GABRB1: variants seen among roughly 807,000 people sequenced by gnomAD.
The protein encoded by GABRB1 is gamma-aminobutyric acid receptor subunit beta-1.
GABRB1 carries 17 observed loss-of-function variants against 51.6 expected under a neutral mutation model. The observed-to-expected ratio is 0.33, with a 90% CI of 0.23 to 0.49. The LOEUF (loss-of-function observed/expected upper bound fraction) is 0.49, where lower values mean the gene tolerates loss of function less well. Ranked by LOEUF, GABRB1 falls within the 20% of genes least tolerant of loss-of-function variation. The probability of loss-of-function intolerance (pLI) is 0.99; values close to 1 mark genes in which losing one functional copy is unlikely to be tolerated. For synonymous variants in GABRB1, 247 were observed against 218.9 expected (o/e 1.13, Z -1.14); for missense variants, 410 against 600.6 (o/e 0.68, Z 3.32).
chr4:47,142,006 T>G (rs1716957411), intron 3 of GABRB1, among the ~76,000 whole-genome samples: 1 of 151,916 alleles, frequency 6.6e-6, no homozygotes, highest in Non-Finnish European at 1.5e-5. Context: ...AGTTACATGC[T>G]AGGAAGCATC....
chr4:47,175,797 G>T (rs1349059985), intron 4 of GABRB1, among the ~76,000 whole-genome samples: 1 of 152,076 alleles, frequency 6.6e-6, no homozygotes, highest in Non-Finnish European at 1.5e-5. Context: ...CCCTCAGAAA[G>T]CTATATGCTT....
chr4:47,272,526 C>G (rs1722912408), intron 4 of GABRB1, among the ~76,000 whole-genome samples: 1 of 151,772 alleles, frequency 6.6e-6, no homozygotes, highest in Non-Finnish European at 1.5e-5. Flanking sequence ...TCTATATTAA[C>G]TAAATAAATT....
At chr4:47,315,535 T>C (rs1042759454) in intron 4 of GABRB1, among the ~76,000 whole-genome samples, 2 of 151,976 alleles carry the variant, frequency 1.3e-5, no homozygotes, top group Non-Finnish European at 2.9e-5. Context: ...GTTGAGTATA[T>C]GCCAAAAGGA....
At chr4:47,168,988 T>C (rs1718324211) in intron 4 of GABRB1, among the ~76,000 whole-genome samples, 1 of 152,032 alleles carries the variant, frequency 6.6e-6, no homozygotes, top group African/African-American at 2.4e-5. Flanking sequence ...ACACCAGCCA[T>C]CACCAGTCAT....
chr4:47,272,973 ACT>A (rs1198424885), intron 4 of GABRB1, among the ~76,000 whole-genome samples: 1 of 3,124 alleles, frequency 3.2e-4, no homozygotes, highest in African/African-American at 4.1e-3. Context: ...GTGAACCGTT[ACT>A]GTAATGATGA....
At chr4:47,331,744 TAA>T (rs1725490632) in intron 5 of GABRB1, among the ~76,000 whole-genome samples, 1 of 152,180 alleles carries the variant, frequency 6.6e-6, no homozygotes, top group Admixed American at 6.6e-5. Context: ...CCAAACTTGA[TAA>T]TAACAATATC....
chr4:47,248,940 C>G lies in GABRB1; in HGVS notation c.462-71187C>G, dbSNP rs570596106. The stretch of plus-strand genomic sequence containing the variant: ...TGCTAATGGTCTATCAATTTTATTT[C>G]TATTTTGAAAGAACCAGCTTTTCGT... On this transcript the variant is annotated intron_variant, in intron 4 of 8. Coordinates refer to ENST00000295454, the MANE Select transcript of GABRB1 (RefSeq NM_000812.4). 5.3e-5 allele frequency among the ~76,000 whole-genome samples: 8 copies of G among 151,944 alleles called. No homozygotes were observed. In the East Asian group the frequency reaches 1.4e-3, roughly 26 times the overall value.
chr4:47,129,957 G>A (rs1230218946), intron 3 of GABRB1, among the ~76,000 whole-genome samples: 1 of 152,160 alleles, frequency 6.6e-6, no homozygotes, highest in African/African-American at 2.4e-5. Context: ...TACTTTTCAA[G>A]TGTAAAACAT....
intron 3 of GABRB1, among the ~76,000 whole-genome samples, chr4:47,067,613 T>G: frequency 6.6e-6 from 1 of 152,044 alleles, no homozygotes; most frequent in South Asian, 2.1e-4. Context: ...AGCATGAGTA[T>G]ATTTTATTAT....
At chr4:47,423,763 T>A (rs911851478) in intron 8 of GABRB1, among the ~76,000 whole-genome samples, 2 of 152,224 alleles carry the variant, frequency 1.3e-5, no homozygotes, top group Non-Finnish European at 2.9e-5. Flanking sequence ...GTACTTGTTG[T>A]TTAATCTTAT....
chr4:47,119,120 A>C (rs1715634672), intron 3 of GABRB1, among the ~76,000 whole-genome samples: 1 of 152,190 alleles, frequency 6.6e-6, no homozygotes, highest in African/African-American at 2.4e-5. Context: ...ATATAAACAT[A>C]TCTATCTATC....
chr4:47,146,005 T>C (rs1287705296), intron 3 of GABRB1, among the ~76,000 whole-genome samples: 5 of 152,020 alleles, frequency 3.3e-5, no homozygotes, highest in Non-Finnish European at 7.4e-5. Context: ...CTCTCCCACC[T>C]TCAGGATAGG....
At chr4:47,207,971 T>C (rs2109806086) in intron 4 of GABRB1, among the ~76,000 whole-genome samples, 1 of 152,128 alleles carries the variant, frequency 6.6e-6, no homozygotes, top group Middle Eastern at 3.4e-3. Context: ...GGCATGTAAA[T>C]CCACGGATAC....
chr4:46,998,344 A>G (rs887076172), intron 1 of GABRB1, among the ~76,000 whole-genome samples: 2 of 152,198 alleles, frequency 1.3e-5, no homozygotes, highest in African/African-American at 2.4e-5. Flanking sequence ...AATATTTAAT[A>G]GTCTCCAAGA....
At chr4:47,392,224 T>C (rs981512711) in intron 5 of GABRB1, among the ~76,000 whole-genome samples, 2 of 152,006 alleles carry the variant, frequency 1.3e-5, no homozygotes, top group African/African-American at 4.8e-5. Flanking sequence ...TAGTTGTTTA[T>C]GGAATTGCCA....
chr4:47,054,995 G>C (rs1180221630), intron 3 of GABRB1, among the ~76,000 whole-genome samples: 1 of 152,162 alleles, frequency 6.6e-6, no homozygotes, highest in Non-Finnish European at 1.5e-5. Flanking sequence ...AGAAGACATA[G>C]ACTTCTTCCA....
chr4:47,244,873 A>T (rs979661967), intron 4 of GABRB1, among the ~76,000 whole-genome samples: 1 of 152,230 alleles, frequency 6.6e-6, no homozygotes, highest in Non-Finnish European at 1.5e-5. Context: ...ATAGCACTAA[A>T]TGCCCACAAG....
chr4:47,360,204 A>G (rs1727978106), intron 5 of GABRB1, among the ~76,000 whole-genome samples: 1 of 152,046 alleles, frequency 6.6e-6, no homozygotes. Flanking sequence ...CTACGGAGAC[A>G]TCTGTGATAT....
At chr4:47,298,323 G>A (rs1724095977) in intron 4 of GABRB1, among the ~76,000 whole-genome samples, 1 of 152,212 alleles carries the variant, frequency 6.6e-6, no homozygotes, top group Non-Finnish European at 1.5e-5. Flanking sequence ...TGACATGATT[G>A]TGTATCTAGA....
Sources: gnomAD v4.1 joint callset for allele counts (sites outside exome capture counted in the v4.1 genomes callset) on GRCh38, gnomAD v4.1.1 for gene constraint, MANE v1.5 for transcripts, NCBI Gene and HGNC (gene_info 2026-07-23, HGNC 2026-07-21) for gene names.